PPP1R14C: variants seen among roughly 807,000 people sequenced by gnomAD.
PPP1R14C encodes protein phosphatase 1 regulatory inhibitor subunit 14C, also known as protein phosphatase 1 regulatory subunit 14C.
In PPP1R14C, 16 loss-of-function variants were observed where a neutral mutation model predicts 20.4. That is an observed-to-expected ratio of 0.78 (90% CI 0.53 to 1.19). The LOEUF (loss-of-function observed/expected upper bound fraction) is 1.19. Among genes scored for constraint, PPP1R14C ranks in the 50% most tolerant of loss-of-function variants. The pLI, the probability that PPP1R14C is intolerant of heterozygous loss-of-function variation, is 0.00. For synonymous variants in PPP1R14C, 91 were observed against 91.0 expected (o/e 1.00, Z 0.00); for missense variants, 211 against 220.1 (o/e 0.96, Z 0.26).
intron 1 of PPP1R14C, among the ~76,000 whole-genome samples, chr6:150,210,011 A>G (rs958431223): frequency 1.3e-5 from 2 of 151,518 alleles, no homozygotes; most frequent in African/African-American, 4.9e-5. Context: ...ATGTTTGTGT[A>G]TATATTTGTG....
At chr6:150,216,733 A>T in intron 2 of PPP1R14C, 91 bp from the exon 3 acceptor site, 1 of 827,372 alleles carries the variant, frequency 1.2e-6, no homozygotes, top group Non-Finnish European at 1.9e-6. Context: ...ATAAAATAAT[A>T]CTATGAATAT....
At chr6:150,167,686 A>G (rs1777438730) in intron 1 of PPP1R14C, among the ~76,000 whole-genome samples, 1 of 152,118 alleles carries the variant, frequency 6.6e-6, no homozygotes, top group South Asian at 2.1e-4. Context: ...GCTGTCTTAT[A>G]TACTGTATAA....
chr6:150,234,199 A>C (rs772627836), intron 3 of PPP1R14C, among the ~76,000 whole-genome samples: 1 of 152,182 alleles, frequency 6.6e-6, no homozygotes, highest in African/African-American at 2.4e-5. Flanking sequence ...CTATACACTC[A>C]CTAGAATGAC....
chr6:150,166,958 C>T (rs1370365976), intron 1 of PPP1R14C, among the ~76,000 whole-genome samples: 3 of 152,178 alleles, frequency 2.0e-5, no homozygotes, highest in Admixed American at 6.5e-5. Context: ...AGGCCAGGCG[C>T]GGTGGCTCAC....
At chr6:150,234,592 T>C (rs1247666923) in intron 3 of PPP1R14C, among the ~76,000 whole-genome samples, 1 of 151,924 alleles carries the variant, frequency 6.6e-6, no homozygotes, top group Non-Finnish European at 1.5e-5. Flanking sequence ...GCTCATGCTG[T>C]AATCCCAGCA....
At chr6:150,172,933 A>G (rs1886359) in intron 1 of PPP1R14C, among the ~76,000 whole-genome samples, 37,833 of 151,756 alleles carry the variant, frequency 0.25, 5,011 homozygotes, top group South Asian at 0.35. Flanking sequence ...CTTATAAGCC[A>G]CTCAGTCAAC....
intron 3 of PPP1R14C, among the ~76,000 whole-genome samples, chr6:150,218,161 T>TG (rs910454632): frequency 1.3e-5 from 2 of 152,024 alleles, no homozygotes; most frequent in Non-Finnish European, 1.5e-5. Flanking sequence ...CACAGCACTT[T>TG]GGGGGGCCGA....
At chr6:150,191,385 A>G (rs918442865) in intron 1 of PPP1R14C, among the ~76,000 whole-genome samples, 13 of 152,244 alleles carry the variant, frequency 8.5e-5, no homozygotes, top group African/African-American at 2.7e-4. Flanking sequence ...CCTGGCATAT[A>G]GCAGACATTC....
At chr6:150,148,580 A>T (rs188100664) in intron 1 of PPP1R14C, among the ~76,000 whole-genome samples, 2 of 152,222 alleles carry the variant, frequency 1.3e-5, no homozygotes, top group South Asian at 4.1e-4. Flanking sequence ...TTTTCCAGGT[A>T]CAGTATCACA....
intron 1 of PPP1R14C, among the ~76,000 whole-genome samples, chr6:150,150,481 C>T (rs1054837477): frequency 6.6e-6 from 1 of 152,128 alleles, no homozygotes; most frequent in Non-Finnish European, 1.5e-5. Context: ...TTGTCCTTTT[C>T]CTCTCAGCCT....
intron 3 of PPP1R14C, among the ~76,000 whole-genome samples, chr6:150,237,835 T>C (rs929596686): frequency 2.3e-4 from 35 of 152,358 alleles, no homozygotes; most frequent in African/African-American, 7.7e-4. Context: ...ACACTGCTTC[T>C]TACCATGTGT....
chr6:150,215,005 C>T (rs1245148754), intron 2 of PPP1R14C, among the ~76,000 whole-genome samples, 178 bp downstream of exon 2: 1 of 152,220 alleles, frequency 6.6e-6, no homozygotes, highest in Non-Finnish European at 1.5e-5. Flanking sequence ...AACTGCCTCT[C>T]TGAGGATAAA....
At chr6:150,157,192 T>C (rs1373647630) in intron 1 of PPP1R14C, among the ~76,000 whole-genome samples, 1 of 152,222 alleles carries the variant, frequency 6.6e-6, no homozygotes, top group African/African-American at 2.4e-5. Flanking sequence ...ACAGATAATG[T>C]ATAAAATATT....
At chr6:150,217,609 C>T (rs980747341) in intron 3 of PPP1R14C, among the ~76,000 whole-genome samples, 2 of 152,114 alleles carry the variant, frequency 1.3e-5, no homozygotes, top group African/African-American at 4.8e-5. Flanking sequence ...AATGTATAAA[C>T]ATTATCATAA....
intron 1 of PPP1R14C, among the ~76,000 whole-genome samples, chr6:150,214,245 C>G (rs1218966242): frequency 6.6e-6 from 1 of 152,098 alleles, no homozygotes; most frequent in African/African-American, 2.4e-5. Flanking sequence ...ATGTGGACCC[C>G]CAAATAAAGA....
chr6:150,232,458 T>A (rs1479329878), intron 3 of PPP1R14C, among the ~76,000 whole-genome samples: 4 of 152,240 alleles, frequency 2.6e-5, no homozygotes, highest in Admixed American at 6.5e-5. Flanking sequence ...CTTTGGCTTG[T>A]GCTTTTTAAA....
At chr6:150,182,367 GGGAA>G (rs1290092463) in intron 1 of PPP1R14C, among the ~76,000 whole-genome samples, 1 of 152,188 alleles carries the variant, frequency 6.6e-6, no homozygotes, top group East Asian at 1.9e-4. Flanking sequence ...TCTGGAGGCT[GGGAA>G]GTCCAAGGTT....
intron 1 of PPP1R14C, among the ~76,000 whole-genome samples, chr6:150,175,867 C>T (rs900377852): frequency 7.9e-5 from 12 of 152,186 alleles, no homozygotes; most frequent in African/African-American, 2.7e-4. Flanking sequence ...GAACCACAAG[C>T]GCAATCTACC....
intron 1 of PPP1R14C, among the ~76,000 whole-genome samples, chr6:150,144,070 G>T (rs568740343): frequency 1.7e-4 from 26 of 152,248 alleles, no homozygotes; most frequent in Non-Finnish European, 2.1e-4. Flanking sequence ...CAGCCCCGAC[G>T]GTGTCTCCAT....
Sources: gnomAD v4.1 joint callset for allele counts (sites outside exome capture counted in the v4.1 genomes callset) on GRCh38, gnomAD v4.1.1 for gene constraint, MANE v1.5 for transcripts, NCBI Gene and HGNC (gene_info 2026-07-23, HGNC 2026-07-21) for gene names.